Variants in MTUS1 observed in about 807,000 individuals in gnomAD.
MTUS1 encodes microtubule-associated tumor suppressor 1.
In MTUS1, 109 loss-of-function variants were observed where a neutral mutation model predicts 120.8. The ratio of observed to expected loss-of-function variants is 0.90; its 90% confidence interval spans 0.77 to 1.06. The LOEUF is 1.06. Ranked by LOEUF, MTUS1 falls within the 50% of genes least tolerant of loss-of-function variation. MTUS1 has a pLI of 0.00. For missense variants in MTUS1, 2,210 were observed against 1,486.3 expected (o/e 1.49, Z -8.01); for synonymous variants, 737 against 550.5 (o/e 1.34, Z -4.74).
intron 6 of MTUS1, chr8:17,708,719 T>C (rs1820649329): frequency 6.6e-6 from 1 of 152,246 alleles, no homozygotes; most frequent in African/African-American, 2.4e-5. Context: ...GAGTTTCTTC[T>C]GCATTTTTAC....
chr8:17,745,113 C>G (rs1365344484), intron 2 of MTUS1, among the ~76,000 whole-genome samples: 1 of 152,134 alleles, frequency 6.6e-6, no homozygotes, highest in Non-Finnish European at 1.5e-5. Flanking sequence ...TGGCTTTTTT[C>G]ATTAACAAAA....
intron 8 of MTUS1, among the ~76,000 whole-genome samples, chr8:17,659,327 G>T (rs997044964): frequency 6.6e-6 from 1 of 152,166 alleles, no homozygotes; most frequent in African/African-American, 2.4e-5. Flanking sequence ...GTGGCACTCA[G>T]GATAGTTTAC....
chr8:17,684,269 CCT>C (rs2130771235), intron 7 of MTUS1, 57 bp downstream of exon 7: 1 of 1,254,880 alleles, frequency 8.0e-7, no homozygotes, highest in South Asian at 1.2e-5. Context: ...GTGAGCAAGT[CCT>C]CCCCGTGCTC....
chr8:17,799,796 A>C (rs1286279323), intron 1 of MTUS1, among the ~76,000 whole-genome samples: 1 of 152,190 alleles, frequency 6.6e-6, no homozygotes, highest in African/African-American at 2.4e-5. Context: ...CAGGTGAAAA[A>C]ACGTGGTGCA....
At chr8:17,691,601 A>C (rs765844412) in intron 6 of MTUS1, among the ~76,000 whole-genome samples, 1 of 152,220 alleles carries the variant, frequency 6.6e-6, no homozygotes, top group South Asian at 2.1e-4. Flanking sequence ...GGGGCAGTGA[A>C]AGACTACATC....
At chr8:17,744,743 G>A (rs926493917) in intron 2 of MTUS1, among the ~76,000 whole-genome samples, 27 of 128,276 alleles carry the variant, frequency 2.1e-4, no homozygotes, top group African/African-American at 6.9e-4. Flanking sequence ...ATGAGGTTTC[G>A]CCATGTTGGT....
chr8:17,736,594 G>GT lies in MTUS1; in HGVS notation c.2287+7009dup, dbSNP rs201155999. On this transcript the variant is annotated intron_variant, in intron 3 of 14. Transcript: ENST00000693296. Reference sequence around the variant, plus strand: ...TTTTATTTTATTTTATTTTTTGCTTGTTTTTTTTGAGATGGGGTCTTGCTC... The same window carrying GT: ...TTTTATTTTATTTTATTTTTTGCTTGTTTTTTTTTGAGATGGGGTCTTGCTC... Among the ~76,000 whole-genome samples the GT allele has an allele frequency of 9.0e-3, 1,365 of 151,544 alleles. 25 individuals carry two copies. Among genetic ancestry groups the GT allele is most frequent in the African/African-American group, 0.031 (1,294 of 41,240 alleles).
chr8:17,653,072 C>T (rs1453862339), intron 12 of MTUS1, 114 bp downstream of exon 12: 2 of 641,376 alleles, frequency 3.1e-6, no homozygotes, highest in Non-Finnish European at 5.4e-6. Context: ...CATTGCCAGA[C>T]ATGAGAAGGA....
At chr8:17,717,922 G>C (rs547534893) in intron 4 of MTUS1, among the ~76,000 whole-genome samples, 17 of 152,058 alleles carry the variant, frequency 1.1e-4, no homozygotes, top group African/African-American at 4.1e-4. Flanking sequence ...TTTGACTCAG[G>C]TACAAACACA....
At chr8:17,703,785 T>C (rs1819597005) in intron 6 of MTUS1, among the ~76,000 whole-genome samples, 1 of 152,180 alleles carries the variant, frequency 6.6e-6, no homozygotes, top group South Asian at 2.1e-4. Context: ...AAGATATTTA[T>C]CAAGACAATA....
At chr8:17,769,568 C>T (rs887745875) in intron 1 of MTUS1, among the ~76,000 whole-genome samples, 18 of 151,630 alleles carry the variant, frequency 1.2e-4, no homozygotes, top group Non-Finnish European at 1.9e-4. Context: ...AGGATGGTCT[C>T]GATCTCCTGA....
At chr8:17,774,355 C>T (rs7010238) in intron 1 of MTUS1, among the ~76,000 whole-genome samples, 66,273 of 152,092 alleles carry the variant, frequency 0.44, 15,531 homozygotes, top group Middle Eastern at 0.54. Context: ...GCTTTTCCTA[C>T]TTGATTCTGG....
chr8:17,676,148 G>C, intron 7 of MTUS1: 2 of 667,200 alleles, frequency 3.0e-6, no homozygotes, highest in South Asian at 1.7e-5. Context: ...GCGTTGCAGA[G>C]ATCATGAGAC....
rs1035734337 is a variant in MTUS1, at chr8:17,743,657, G to C, written c.2234C>G (p.Pro745Arg). The C allele has an allele frequency of 6.2e-7, 1 of 1,614,088 alleles. No individual in the cohort carries two copies. Among genetic ancestry groups the C allele is most frequent in the South Asian group, 1.1e-5 (1 of 91,066 alleles). The change falls in exon 3 of 15, where the codon CCC (proline) becomes CGC (arginine). Residue 745 changes from proline (P) to arginine (R), a missense_variant. By Grantham distance (103) the Pro-to-Arg change is moderately radical. Coordinates refer to ENST00000693296, the MANE Select transcript of MTUS1 (RefSeq NM_001363059.2). ...CLRRNSDNRNPSADRAVSPQR... is the reference protein window; with the variant it reads ...CLRRNSDNRNRSADRAVSPQR... ...AGGAGATACGGCTCGATCAGCACTG[G>C]GATTTCTATTGTCACTGTTCCGCCT...
At chr8:17,683,689 G>A (rs1286359297) in intron 7 of MTUS1, among the ~76,000 whole-genome samples, 1 of 151,894 alleles carries the variant, frequency 6.6e-6, no homozygotes, top group African/African-American at 2.4e-5. Context: ...CTTATCAGTT[G>A]CCCCCTGAGA....
In MTUS1 at chr8:17,753,869, T is replaced by C; in HGVS notation, c.1939A>G (p.Ser647Gly). 1 of 1,614,210 alleles carries C rather than the reference T, an allele frequency of 6.2e-7. No homozygotes were observed. ...IKGILPVKME[S>G]AECLEMTYVP... ...TAGGTCATTTCCAAACATTCTGCAC[T>C]TTCCATTTTAACAGGGAGTATGCCT... is the stretch of plus-strand genomic sequence containing the variant. The change falls in exon 2 of 15, where the codon AGT becomes GGT. Residue 647 changes from serine to glycine, a missense_variant. Transcript: ENST00000693296.
chr8:17,653,141 T>C (rs1297663293), intron 12 of MTUS1, 45 bp downstream of exon 12: 1 of 1,174,170 alleles, frequency 8.5e-7, no homozygotes, highest in East Asian at 2.6e-5. Flanking sequence ...AAAAGGCAAC[T>C]GAGAAGAAAA....
chr8:17,667,845 G>A (rs922473095), intron 8 of MTUS1, among the ~76,000 whole-genome samples: 2 of 152,192 alleles, frequency 1.3e-5, no homozygotes, highest in African/African-American at 2.4e-5. Context: ...ATGCAGAGAA[G>A]TAGACTGAGA....
At chr8:17,696,320 T>C (rs185605940) in intron 6 of MTUS1, among the ~76,000 whole-genome samples, 21 of 151,758 alleles carry the variant, frequency 1.4e-4, no homozygotes, top group Non-Finnish European at 2.1e-4. Context: ...AAACTAAAAA[T>C]AGTCAGCTGA....
Sources: allele counts gnomAD v4.1 joint callset (sites outside exome capture counted in the v4.1 genomes callset), GRCh38; gene constraint gnomAD v4.1.1; transcripts MANE v1.5; gene names NCBI Gene and HGNC (gene_info 2026-07-23, HGNC 2026-07-21).